The following ADAMTS6 variants were observed in gnomAD, a reference collection of about 807,000 sequenced individuals.
ADAMTS6 encodes A disintegrin and metalloproteinase with thrombospondin motifs 6.
Under a neutral mutation model 144.3 loss-of-function variants are expected in ADAMTS6, and 23 were observed. The observed-to-expected ratio is 0.16, with a 90% CI of 0.11 to 0.23. The LOEUF is 0.23. Among genes scored for constraint, ADAMTS6 ranks in the 10% least tolerant of loss-of-function variants. ADAMTS6 has a pLI of 1.00. For synonymous variants in ADAMTS6, 444 were observed against 457.5 expected (o/e 0.97, Z 0.38); for missense variants, 999 against 1,379.6 (o/e 0.72, Z 4.37).
chr5:65,461,437 C>A (rs1285248879), intron 3 of ADAMTS6, among the ~76,000 whole-genome samples: 1 of 152,148 alleles, frequency 6.6e-6, no homozygotes, highest in Non-Finnish European at 1.5e-5. Context: ...ATAAATAGAA[C>A]TTTGTTGATG....
chr5:65,440,367 G>T (rs1757770546), intron 7 of ADAMTS6, among the ~76,000 whole-genome samples: 1 of 152,120 alleles, frequency 6.6e-6, no homozygotes, highest in Admixed American at 6.5e-5. Flanking sequence ...TGAGAAATGG[G>T]AAAGTAAACA....
chr5:65,336,287 T>C (rs1257493723), intron 7 of ADAMTS6, among the ~76,000 whole-genome samples: 2 of 152,112 alleles, frequency 1.3e-5, no homozygotes, highest in South Asian at 4.1e-4. Flanking sequence ...CAGAAACTCT[T>C]TCAGCTATGC....
Position 65,473,621 on chromosome 5 carries a change from G to C in ADAMTS6, c.53C>G (p.Ser18Ter). The change falls in exon 2 of 25, where the codon TCA becomes TGA. Residue 18 changes from serine (S) to a stop codon, truncating the protein, a stop_gained. Coordinates refer to ENST00000381055, the MANE Select transcript of ADAMTS6 (RefSeq NM_197941.4). LOFTEE classifies it high-confidence loss of function. ...CCTGTGGTCACTATGAAATTCCGAT[G>C]AAGCCATGATGAGGCTCAAAATCCA... The part of the protein sequence containing the change: ...LTWILSLIMA[S>*]SEFHSDHRLS... 1 of 1,613,800 alleles carries C rather than the reference G, an allele frequency of 6.2e-7. No individual in the cohort carries two copies. Among genetic ancestry groups the C allele is most frequent in the Non-Finnish European group, 8.5e-7 (1 of 1,179,760 alleles).
At position 65,215,586 on chromosome 5, in the gene ADAMTS6, T is replaced by C. The variant is rs931414270; in HGVS notation, c.2273-99A>G. On this transcript the variant is annotated intron_variant, in intron 18 of 24. Transcript: ENST00000381055. Reference sequence around the variant, plus strand: ...ATAAAGTATACAATGAATACCGATTTCCATTTAGAGATGTGACTCTTGACC... The same window carrying C: ...ATAAAGTATACAATGAATACCGATTCCCATTTAGAGATGTGACTCTTGACC... The C allele has an allele frequency of 1.1e-5, 12 of 1,048,178 alleles. No individual in the cohort carries two copies. The East Asian group carries it at 3.1e-4, about 27-fold the overall frequency. 64.9% of individuals were successfully genotyped at this position (1,048,178 alleles called of 1,614,324 possible).
chr5:65,160,577 T>C (rs186882601), intron 24 of ADAMTS6, among the ~76,000 whole-genome samples: 15 of 152,080 alleles, frequency 9.9e-5, no homozygotes, highest in Admixed American at 8.5e-4. Flanking sequence ...GTGCTGGGAT[T>C]ACAGGCGTGA....
At position 65,470,926 on chromosome 5, in the gene ADAMTS6, T is replaced by G. The variant is rs1328279542; in HGVS notation, c.314A>C (p.Asp105Ala). The change falls in exon 3 of 25, where the codon GAT (aspartate) becomes GCT (alanine). Residue 105 changes from aspartate (D) to alanine (A), a missense_variant. Coordinates refer to ENST00000381055, the MANE Select transcript of ADAMTS6 (RefSeq NM_197941.4). ...TACTGTAAAATGTTTGGACACAAAA[T>G]CTGTGTTGAGAGTCAAGTTTAGATG... ...HFHLNLTLNT[D>A]FVSKHFTVEY... 4.3e-6 allele frequency: 7 copies of G among 1,612,598 alleles called. No homozygotes were observed. Among genetic ancestry groups the G allele is most frequent in the Non-Finnish European group, 5.9e-6 (7 of 1,179,636 alleles).
At chr5:65,467,887 T>TCAA (rs1467617809) in intron 3 of ADAMTS6, among the ~76,000 whole-genome samples, 1 of 152,082 alleles carries the variant, frequency 6.6e-6, no homozygotes, top group East Asian at 1.9e-4. Context: ...CATCAAGAAA[T>TCAA]TAGCCCAATA....
intron 15 of ADAMTS6, among the ~76,000 whole-genome samples, chr5:65,229,613 A>G (rs11747963): frequency 0.29 from 44,384 of 151,914 alleles, 6,724 homozygotes; most frequent in Admixed American, 0.38. Flanking sequence ...AATCATTAAT[A>G]AAAACAGATT....
chr5:65,197,539 A>G (rs567940168), intron 20 of ADAMTS6, among the ~76,000 whole-genome samples: 36 of 152,372 alleles, frequency 2.4e-4, no homozygotes, highest in Middle Eastern at 3.4e-3. Flanking sequence ...ATGATTGTAT[A>G]TTTATTTAAA....
At chr5:65,457,733 T>C (rs1217192944) in intron 4 of ADAMTS6, among the ~76,000 whole-genome samples, 1 of 146,282 alleles carries the variant, frequency 6.8e-6, no homozygotes, top group Non-Finnish European at 1.5e-5. Context: ...ATCCTAGTTT[T>C]TTTCTTTCTT....
At chr5:65,477,145 T>G (rs540980821) in intron 1 of ADAMTS6, among the ~76,000 whole-genome samples, 2 of 152,334 alleles carry the variant, frequency 1.3e-5, no homozygotes, top group African/African-American at 4.8e-5. Flanking sequence ...TTCCATACTC[T>G]AAACCTTCCC....
chr5:65,276,816 T>C (rs1276529160), intron 11 of ADAMTS6, among the ~76,000 whole-genome samples: 1 of 151,526 alleles, frequency 6.6e-6, no homozygotes, highest in East Asian at 1.9e-4. Flanking sequence ...AAATAAAATA[T>C]AGGAGGTGCT....
In ADAMTS6 at chr5:65,238,305, T is replaced by A. The variant is rs111887630; in HGVS notation, c.1933+3799A>T. The stretch of plus-strand genomic sequence containing the variant: ...CTGTTTAACAAAAAAATTCTGAGCA[T>A]CTGTAAAACAATTAGAATATGGGAA... On this transcript the variant is annotated intron_variant, in intron 15 of 24. Transcript: ENST00000381055. 1.5e-3 allele frequency among the ~76,000 whole-genome samples: 228 copies of A among 152,260 alleles called. 3 individuals carry two copies. Among genetic ancestry groups the A allele is most frequent in the African/African-American group, 4.5e-3 (186 of 41,562 alleles).
At chr5:65,265,613 A>C (rs1265515710) in intron 12 of ADAMTS6, among the ~76,000 whole-genome samples, 1 of 151,928 alleles carries the variant, frequency 6.6e-6, no homozygotes, top group Non-Finnish European at 1.5e-5. Context: ...GAGAACTGAC[A>C]CTTTCAGAAA....
intron 7 of ADAMTS6, among the ~76,000 whole-genome samples, chr5:65,380,441 T>C (rs1322015194): frequency 6.6e-6 from 1 of 151,940 alleles, no homozygotes; most frequent in Non-Finnish European, 1.5e-5. Flanking sequence ...CAGGGTGTGG[T>C]GGCGAGCACC....
intron 15 of ADAMTS6, among the ~76,000 whole-genome samples, chr5:65,231,098 T>G (rs1758209283): frequency 6.6e-6 from 1 of 151,446 alleles, no homozygotes; most frequent in Admixed American, 6.6e-5. Context: ...AATGAATTTT[T>G]TTTAAAAAAA....
At chr5:65,291,831 T>G (rs766454820) in intron 10 of ADAMTS6, among the ~76,000 whole-genome samples, 6 of 152,090 alleles carry the variant, frequency 3.9e-5, no homozygotes, top group Non-Finnish European at 8.8e-5. Flanking sequence ...ATTAAAAACA[T>G]GAAATGCAGA....
At chr5:65,170,522 C>T in intron 24 of ADAMTS6, 95 bp downstream of exon 24, 1 of 1,392,742 alleles carries the variant, frequency 7.2e-7, no homozygotes, top group Non-Finnish European at 9.8e-7. Context: ...ACTCAAACTA[C>T]ACTACAGTAG....
chr5:65,247,863 A>C (rs1419395632), intron 14 of ADAMTS6, among the ~76,000 whole-genome samples: 2 of 152,106 alleles, frequency 1.3e-5, no homozygotes, highest in African/African-American at 4.8e-5. Context: ...TCCCTGTTAC[A>C]CTAGATCAAC....
Sources: gnomAD v4.1 joint callset for allele counts (sites outside exome capture counted in the v4.1 genomes callset) on GRCh38, gnomAD v4.1.1 for gene constraint, MANE v1.5 for transcripts, NCBI Gene and HGNC (gene_info 2026-07-23, HGNC 2026-07-21) for gene names.